MPP7: variants seen among roughly 807,000 people sequenced by gnomAD.
The protein encoded by MPP7 is MAGUK p55 subfamily member 7.
Under a neutral mutation model 76.5 loss-of-function variants are expected in MPP7, and 60 were observed. The ratio of observed to expected loss-of-function variants is 0.78; its 90% CI spans 0.64 to 0.97. MPP7 has a LOEUF of 0.97. Among genes scored for constraint, MPP7 ranks in the 50% least tolerant of loss-of-function variants. The pLI is 0.00. For missense variants in MPP7, 641 were observed against 694.0 expected (o/e 0.92, Z 0.86); for synonymous variants, 237 against 244.5 (o/e 0.97, Z 0.29).
At chr10:28,249,868 G>T (rs1381894713) in intron 1 of MPP7, among the ~76,000 whole-genome samples, 1 of 152,126 alleles carries the variant, frequency 6.6e-6, no homozygotes, top group African/African-American at 2.4e-5. Flanking sequence ...GAGAAGTCTA[G>T]CATGGGCCAT....
At chr10:28,310,020 T>TTTTTTTAA (rs57172078) in intron 2 of MPP7, among the ~76,000 whole-genome samples, 1 of 144,190 alleles carries the variant, frequency 6.9e-6, no homozygotes, top group African/African-American at 2.6e-5. Context: ...TTTTTTTTTT[T>TTTTTTTAA]AAACGGAGTC....
intron 13 of MPP7, among the ~76,000 whole-genome samples, chr10:28,063,014 CTT>C (rs561789080): frequency 6.6e-6 from 1 of 151,854 alleles, no homozygotes; most frequent in Non-Finnish European, 1.5e-5. Flanking sequence ...AAATTAAACA[CTT>C]TTGCTTTTTA....
At chr10:28,211,814 G>A (rs1021761610) in intron 2 of MPP7, among the ~76,000 whole-genome samples, 10 of 152,044 alleles carry the variant, frequency 6.6e-5, no homozygotes, top group African/African-American at 2.4e-4. Context: ...GAAGAAGAGG[G>A]GATATAAGGA....
chr10:28,173,201 C>T (rs892317228), intron 3 of MPP7, among the ~76,000 whole-genome samples: 1 of 148,982 alleles, frequency 6.7e-6, no homozygotes, highest in Non-Finnish European at 1.5e-5. Flanking sequence ...GGAGAGAAGG[C>T]TCAGACTCAA....
chr10:28,228,349 T>C (rs995660069), intron 2 of MPP7, among the ~76,000 whole-genome samples: 1 of 152,202 alleles, frequency 6.6e-6, no homozygotes, highest in Non-Finnish European at 1.5e-5. Flanking sequence ...TTTGAATCTA[T>C]CACTTTAAGG....
chr10:28,310,020 T>TTTA lies in MPP7; in HGVS notation c.-132+19908_-132+19909insTAA, dbSNP rs57172078. Among the ~76,000 whole-genome samples, 319 of 144,220 alleles carry TTTA rather than the reference T, an allele frequency of 2.2e-3. 12 individuals are homozygous for TTTA. The East Asian group carries it at 0.027, about 12-fold the overall frequency. 94.6% of individuals were successfully genotyped at this position (144,220 alleles called of 152,430 possible). A position where few individuals can be genotyped will look rare whatever the true frequency, so the allele number is the denominator to read the frequency against. On this transcript the variant is annotated intron_variant, in intron 2 of 11. Transcript: ENST00000441595. ...ATTAAACCTTTTTTTTTTTTTTTTTTAAACGGAGTCTTGCTCTGTCACCCA... is the reference window on the plus strand; with the variant it reads ...ATTAAACCTTTTTTTTTTTTTTTTTTTTAAAACGGAGTCTTGCTCTGTCACCCA...
intron 5 of MPP7, among the ~76,000 whole-genome samples, chr10:28,140,485 TG>T (rs1170029260): frequency 1.3e-5 from 2 of 151,768 alleles, no homozygotes; most frequent in African/African-American, 4.8e-5. Context: ...TACGTCAGCC[TG>T]GGCGACAGAG....
intron 5 of MPP7, among the ~76,000 whole-genome samples, chr10:28,144,741 C>A (rs145776678): frequency 0.016 from 2,419 of 152,180 alleles, 60 homozygotes; most frequent in African/African-American, 0.055. Flanking sequence ...AATATTCTCC[C>A]CCTGCCCAAG....
chr10:28,107,179 C>A (rs1318450704), intron 11 of MPP7, among the ~76,000 whole-genome samples: 6 of 152,104 alleles, frequency 3.9e-5, no homozygotes, highest in Non-Finnish European at 7.4e-5. Flanking sequence ...ATGTCCAGTG[C>A]TCTTTCCGTG....
chr10:28,206,801 T>A (rs1837963236), intron 2 of MPP7, among the ~76,000 whole-genome samples: 1 of 152,164 alleles, frequency 6.6e-6, no homozygotes, highest in Non-Finnish European at 1.5e-5. Flanking sequence ...ATAGTTTTTA[T>A]CTCTACAACA....
chr10:28,320,335 C>T (rs1834356124), intron 2 of MPP7, among the ~76,000 whole-genome samples: 2 of 151,830 alleles, frequency 1.3e-5, no homozygotes, highest in Non-Finnish European at 2.9e-5. Context: ...GTTGGACAGC[C>T]ATGGAATGAC....
intron 3 of MPP7, among the ~76,000 whole-genome samples, chr10:28,165,507 T>C (rs1836418517): frequency 1.4e-5 from 2 of 143,672 alleles, no homozygotes; most frequent in East Asian, 2.0e-4. Flanking sequence ...ACCTGGGCTA[T>C]AGAGTGAGAC....
At chr10:28,333,197 T>G (rs1421913546) in intron 1 of MPP7, among the ~76,000 whole-genome samples, 2 of 152,206 alleles carry the variant, frequency 1.3e-5, no homozygotes, top group African/African-American at 4.8e-5. Flanking sequence ...CAGGCTGGAG[T>G]GCAATGGCAC....
chr10:28,132,303 T>A (rs895887672), intron 5 of MPP7, among the ~76,000 whole-genome samples: 1 of 152,230 alleles, frequency 6.6e-6, no homozygotes, highest in Non-Finnish European at 1.5e-5. Context: ...CTATTTTAGA[T>A]GAGTGAGTTT....
At chr10:28,276,376 A>C (rs1257972927) in intron 1 of MPP7, among the ~76,000 whole-genome samples, 1 of 152,130 alleles carries the variant, frequency 6.6e-6, no homozygotes, top group African/African-American at 2.4e-5. Flanking sequence ...CCAAGTAGCA[A>C]GCTATTATGA....
chr10:28,175,098 T>C (rs944742074), intron 3 of MPP7, among the ~76,000 whole-genome samples: 1 of 152,062 alleles, frequency 6.6e-6, no homozygotes, highest in South Asian at 2.1e-4. Context: ...GAGACCAGCC[T>C]GGTTTACATG....
intron 5 of MPP7, among the ~76,000 whole-genome samples, chr10:28,140,582 T>G (rs1170318659): frequency 6.6e-6 from 1 of 152,190 alleles, no homozygotes; most frequent in Non-Finnish European, 1.5e-5. Context: ...AATTACTCAT[T>G]TCTGGTATGC....
rs370475089 is a variant in MPP7 at position 28,185,302 on chromosome 10, C to G, written c.156+16851G>C. ...ATATAAGTTATTATCTTATTCTTGG[C>G]ACAGCCAGAACCTGAGTCCAAGCAA... On this transcript the variant is annotated intron_variant, in intron 3 of 16. Coordinates refer to ENST00000683449, the MANE Select transcript of MPP7 (RefSeq NM_001318170.2). Among the ~76,000 whole-genome samples the G allele has an allele frequency of 2.6e-5, 4 of 151,898 alleles. No individual in the cohort carries two copies. In the East Asian group the frequency reaches 7.7e-4, roughly 29 times the overall value.
chr10:28,300,561 TAAG>T (rs921676733), intron 1 of MPP7, among the ~76,000 whole-genome samples: 31 of 152,302 alleles, frequency 2.0e-4, no homozygotes, highest in Admixed American at 2.0e-3. Context: ...CAGCCTTGTG[TAAG>T]AAGAGTTGCC....
Sources: allele counts gnomAD v4.1 joint callset (sites outside exome capture counted in the v4.1 genomes callset), GRCh38; gene constraint gnomAD v4.1.1; transcripts MANE v1.5; gene names NCBI Gene and HGNC (gene_info 2026-07-23, HGNC 2026-07-21).